Variants in ADCY9 observed in about 807,000 individuals in gnomAD.
The protein encoded by ADCY9 is adenylate cyclase type 9.
In ADCY9, 50 loss-of-function variants were observed where a neutral mutation model predicts 101.5. That is an observed-to-expected ratio of 0.49 (90% CI 0.39 to 0.62). The LOEUF (loss-of-function observed/expected upper bound fraction) is 0.62. Among genes scored for constraint, ADCY9 ranks in the 20% least tolerant of loss-of-function variants. The pLI is 0.00. For missense variants in ADCY9, 1,662 were observed against 1,800.4 expected, an observed-to-expected ratio of 0.92 and a Z score of 1.39; for synonymous variants, 905 against 769.3, an observed-to-expected ratio of 1.18 and a Z score of -2.92.
In ADCY9 at chr16:4,060,450, T is replaced by A. The variant is rs373967021; in HGVS notation, c.1694-52892A>T. Among the ~76,000 whole-genome samples, 4 of 152,218 alleles carry A rather than the reference T, an allele frequency of 2.6e-5. No individual in the cohort carries two copies. In the East Asian group the frequency reaches 7.7e-4, roughly 29 times the overall value. On this transcript the variant is annotated intron_variant, in intron 2 of 10. Transcript: ENST00000294016. ...AAGGAAAAACCAAGACAGGCTCGTATAATATATGCCTGAATTCTGAACATG... is the reference window on the plus strand; with the variant it reads ...AAGGAAAAACCAAGACAGGCTCGTAAAATATATGCCTGAATTCTGAACATG...
Position 3,983,682 on chromosome 16 carries a change from A to G in ADCY9, c.2311-242T>C, listed in dbSNP as rs1597144031. On this transcript the variant is annotated intron_variant, in intron 6 of 10. Coordinates refer to ENST00000294016, the MANE Select transcript of ADCY9 (RefSeq NM_001116.4). Reference sequence around the variant, plus strand: ...GGTGGCTCACGCCTGTAATCCCGACACTTTGGGAGGCTGACGTAGGAGGGT... The same window carrying G: ...GGTGGCTCACGCCTGTAATCCCGACGCTTTGGGAGGCTGACGTAGGAGGGT... 46 of 527,794 alleles carry G rather than the reference A, an allele frequency of 8.7e-5. No homozygotes were observed. The East Asian group carries it at 1.4e-3, about 16-fold the overall frequency. 32.7% of individuals were successfully genotyped at this position (527,794 alleles called of 1,614,324 possible). A position where few individuals can be genotyped will look rare whatever the true frequency, so the allele number is the denominator to read the frequency against.
At chr16:4,112,954 T>C (rs2057122811) in intron 2 of ADCY9, among the ~76,000 whole-genome samples, 1 of 152,002 alleles carries the variant, frequency 6.6e-6, no homozygotes, top group South Asian at 2.1e-4. Flanking sequence ...ACATCAAGAA[T>C]AGCAGTAAGG....
chr16:3,985,389 G>A (rs2056183087), intron 6 of ADCY9, among the ~76,000 whole-genome samples: 1 of 152,090 alleles, frequency 6.6e-6, no homozygotes, highest in South Asian at 2.1e-4. Context: ...GCCTGCCTCG[G>A]CCTCCCAAAG....
At position 3,992,042 on chromosome 16, in the gene ADCY9, G is replaced by T. The variant is rs2056248642; in HGVS notation, c.2207+104C>A. The T allele has an allele frequency of 3.4e-6, 4 of 1,181,652 alleles. No individual in the cohort carries two copies. The highest frequency in any genetic ancestry group is 3.0e-5 in the South Asian group (2 of 67,676). The allele number at this position is 1,181,652 out of a possible 1,614,324, so 73.2% of individuals were successfully genotyped here. Reference sequence around the variant, plus strand: ...GCCAAGATCGCGCCACTGCACTGCAGCCTGGATGACAGAGCGAGACTCAGT... The same window carrying T: ...GCCAAGATCGCGCCACTGCACTGCATCCTGGATGACAGAGCGAGACTCAGT... On this transcript the variant is annotated intron_variant, in intron 5 of 10. Transcript: ENST00000294016. The surrounding 1 kb of genome is among the most constrained non-coding windows in gnomAD (Gnocchi z 4.2).
chr16:4,060,428 G>A (rs531213919), intron 2 of ADCY9, among the ~76,000 whole-genome samples: 14 of 152,276 alleles, frequency 9.2e-5, no homozygotes, highest in Admixed American at 6.5e-4. Context: ...TGGCAAAAAG[G>A]AAAAACCAAG....
At chr16:4,023,108 C>A (rs1362690962) in intron 2 of ADCY9, among the ~76,000 whole-genome samples, 1 of 152,218 alleles carries the variant, frequency 6.6e-6, no homozygotes, top group Non-Finnish European at 1.5e-5. Flanking sequence ...TGTCATTTCT[C>A]TGGAGGGTGA....
At chr16:4,031,770 A>G (rs2056556851) in intron 2 of ADCY9, among the ~76,000 whole-genome samples, 1 of 151,864 alleles carries the variant, frequency 6.6e-6, no homozygotes, top group South Asian at 2.1e-4. Flanking sequence ...CCAGTTCCTC[A>G]GGGGGCAGAG....
intron 2 of ADCY9, among the ~76,000 whole-genome samples, chr16:4,036,465 T>G (rs1162926061): frequency 7.4e-6 from 1 of 134,364 alleles, no homozygotes; most frequent in Non-Finnish European, 1.6e-5. Context: ...TTTGTTTGTT[T>G]TTTTTTTTTT....
intron 2 of ADCY9, among the ~76,000 whole-genome samples, chr16:4,081,678 C>T (rs1411539939): frequency 4.0e-5 from 6 of 150,796 alleles, no homozygotes; most frequent in South Asian, 2.1e-4. Flanking sequence ...ACAGCACATG[C>T]GGGGAGCCCC....
At chr16:4,030,209 G>A (rs1311969785) in intron 2 of ADCY9, among the ~76,000 whole-genome samples, 3 of 152,260 alleles carry the variant, frequency 2.0e-5, no homozygotes, top group East Asian at 3.9e-4. Context: ...GATACAGTAC[G>A]TAAGTATTCA....
At chr16:4,016,486 C>G (rs186425734) in intron 2 of ADCY9, among the ~76,000 whole-genome samples, 4 of 152,098 alleles carry the variant, frequency 2.6e-5, no homozygotes, top group African/African-American at 9.7e-5. Flanking sequence ...GCAGCAGGGA[C>G]GGGGGTCCCA....
chr16:4,114,265 A>G lies in ADCY9; in HGVS notation c.1178T>C (p.Val393Ala). 1 of 1,613,786 alleles carries G rather than the reference A, an allele frequency of 6.2e-7. No individual in the cohort carries two copies. Among genetic ancestry groups the G allele is most frequent in the South Asian group, 1.1e-5 (1 of 91,074 alleles). ...CACGATATCTGCAAATAAAATACTGACTTCTTCGATCTGCTGCATCTTAAA... is the reference window on the plus strand; with the variant it reads ...CACGATATCTGCAAATAAAATACTGGCTTCTTCGATCTGCTGCATCTTAAA... ...RPFKMQQIEE[V>A]SILFADIVGF... is the part of the protein sequence containing the mutation. The change falls in exon 2 of 11, where the codon GTC becomes GCC. Residue 393 changes from valine (V) to alanine (A), a missense_variant. Physicochemically the swap from Val to Ala is moderately conservative, Grantham distance 64. Coordinates refer to ENST00000294016, the MANE Select transcript of ADCY9 (RefSeq NM_001116.4). The surrounding 1 kb of genome is among the most constrained non-coding windows in gnomAD (Gnocchi z 4.3).
chr16:3,954,467 C>G (rs1053280744), intron 5 of ADCY9, among the ~76,000 whole-genome samples: 1 of 152,190 alleles, frequency 6.6e-6, no homozygotes, highest in Non-Finnish European at 1.5e-5. Flanking sequence ...CCAGAACTCC[C>G]AGCTCGCAGC....
At chr16:3,983,059 G>T in intron 7 of ADCY9, 173 bp downstream of exon 7, 1 of 666,706 alleles carries the variant, frequency 1.5e-6, no homozygotes, top group Non-Finnish European at 2.5e-6. Flanking sequence ...CCAACGTCAG[G>T]GAGGGAGGAT....
At chr16:4,035,784 A>T (rs2056584827) in intron 2 of ADCY9, among the ~76,000 whole-genome samples, 1 of 152,028 alleles carries the variant, frequency 6.6e-6, no homozygotes. Context: ...GGATCACCTG[A>T]GGTCGGGAGT....
chr16:4,108,538 C>A (rs28553505), intron 2 of ADCY9, among the ~76,000 whole-genome samples: 1 of 151,160 alleles, frequency 6.6e-6, no homozygotes. Context: ...CACACCCAGC[C>A]AATTTTTGCA....
At chr16:4,093,906 C>A (rs185031622) in intron 2 of ADCY9, among the ~76,000 whole-genome samples, 4 of 152,198 alleles carry the variant, frequency 2.6e-5, no homozygotes, top group African/African-American at 9.7e-5. Flanking sequence ...TTAGTGCGAA[C>A]TGGAACTTCT....
At chr16:4,043,364 T>C (rs2141140839) in intron 2 of ADCY9, among the ~76,000 whole-genome samples, 1 of 152,034 alleles carries the variant, frequency 6.6e-6, no homozygotes, top group South Asian at 2.1e-4. Context: ...CAGAAGCGGT[T>C]CCCTCGTTTT....
At chr16:4,069,514 A>G (rs1271474193) in intron 2 of ADCY9, among the ~76,000 whole-genome samples, 1 of 152,128 alleles carries the variant, frequency 6.6e-6, no homozygotes, top group Non-Finnish European at 1.5e-5. Flanking sequence ...AACAACGAAT[A>G]AATAGAATAT....
Sources: gnomAD v4.1 joint callset for allele counts (sites outside exome capture counted in the v4.1 genomes callset) on GRCh38, gnomAD v4.1.1 for gene constraint, Gnocchi (gnomAD v3.1) non-coding constraint, MANE v1.5 for transcripts, NCBI Gene and HGNC (gene_info 2026-07-23, HGNC 2026-07-21) for gene names.